Variants in MYO3B observed in about 807,000 individuals in gnomAD.
MYO3B encodes myosin IIIB, also known as myosin-IIIb.
In MYO3B, 156 loss-of-function variants were observed where a neutral mutation model predicts 174.6. That is an observed-to-expected ratio of 0.89 (90% CI 0.78 to 1.02). The LOEUF is 1.02. Among genes scored for constraint, MYO3B ranks in the 50% least tolerant of loss-of-function variants. The pLI is 0.00. For missense variants in MYO3B, 1,632 were observed against 1,639.4 expected (o/e 1.00, Z 0.08); for synonymous variants, 563 against 569.1 (o/e 0.99, Z 0.15).
At chr2:170,568,604 G>A (rs542356612) in intron 32 of MYO3B, among the ~76,000 whole-genome samples, 1 of 152,298 alleles carries the variant, frequency 6.6e-6, no homozygotes, top group Admixed American at 6.5e-5. Flanking sequence ...GTATTCTGCA[G>A]TTTGCCCCAC....
At chr2:170,651,947 C>T (rs1226289234) in intron 33 of MYO3B, among the ~76,000 whole-genome samples, 161 bp from the exon 34 acceptor site, 1 of 138,142 alleles carries the variant, frequency 7.2e-6, no homozygotes, top group African/African-American at 2.8e-5. Flanking sequence ...GAGCAAGATG[C>T]ATGCTTCATC....
chr2:170,603,419 T>C (rs1252495176), intron 32 of MYO3B, among the ~76,000 whole-genome samples: 3 of 152,218 alleles, frequency 2.0e-5, no homozygotes, highest in Admixed American at 2.0e-4. Context: ...GCCCATAAAA[T>C]ATTTATTTTA....
chr2:170,227,858 C>T (rs2092968988), intron 6 of MYO3B, among the ~76,000 whole-genome samples: 1 of 152,098 alleles, frequency 6.6e-6, no homozygotes, highest in Admixed American at 6.5e-5. Flanking sequence ...CAGTTCTATC[C>T]CCTACTAGCT....
chr2:170,499,927 C>T (rs1687141501), intron 27 of MYO3B, 119 bp downstream of exon 27: 2 of 748,488 alleles, frequency 2.7e-6, no homozygotes, highest in Non-Finnish European at 4.2e-6. Context: ...TCTCCCCTCC[C>T]TCCCTCCCTT....
At chr2:170,631,192 G>C (rs1696943451) in intron 32 of MYO3B, among the ~76,000 whole-genome samples, 1 of 152,152 alleles carries the variant, frequency 6.6e-6, no homozygotes. Flanking sequence ...AACCAATGCA[G>C]AGAAGTCCTT....
rs75472095 is a variant in MYO3B, at chr2:170,320,284, C to T, written c.750-15101C>T. ...CTGATCTTGAACTCTTGGGCTCAAGCGATCTTCCCACCCCAGTTCTTCCAA... is the reference window on the plus strand; with the variant it reads ...CTGATCTTGAACTCTTGGGCTCAAGTGATCTTCCCACCCCAGTTCTTCCAA... On this transcript the variant is annotated intron_variant, in intron 7 of 34. Transcript: ENST00000408978. Among the ~76,000 whole-genome samples the T allele has an allele frequency of 4.7e-3, 714 of 152,202 alleles. 7 individuals are homozygous for T. The highest frequency in any genetic ancestry group is 0.036 in the East Asian group (188 of 5,170).
chr2:170,274,301 G>T (rs2093447393), intron 7 of MYO3B, among the ~76,000 whole-genome samples: 1 of 152,086 alleles, frequency 6.6e-6, no homozygotes, highest in Non-Finnish European at 1.5e-5. Flanking sequence ...TTTACTTGAG[G>T]CCTGTCTGAA....
At chr2:170,406,585 C>G (rs920005958) in intron 21 of MYO3B, among the ~76,000 whole-genome samples, 3 of 152,064 alleles carry the variant, frequency 2.0e-5, no homozygotes, top group African/African-American at 7.2e-5. Context: ...CAGCATCTAC[C>G]CTGATTCCCC....
chr2:170,359,266 A>T, intron 8 of MYO3B, among the ~76,000 whole-genome samples: 1 of 152,156 alleles, frequency 6.6e-6, no homozygotes, highest in East Asian at 1.9e-4. Flanking sequence ...TTTGCCTAAG[A>T]TTCCATTGGT....
chr2:170,513,901 T>C (rs1427177905), intron 28 of MYO3B, among the ~76,000 whole-genome samples: 1 of 152,126 alleles, frequency 6.6e-6, no homozygotes, highest in Non-Finnish European at 1.5e-5. Context: ...AAATCACATC[T>C]GAACAAATAA....
At chr2:170,423,585 C>CTTTTTTTT (rs34209442) in intron 22 of MYO3B, among the ~76,000 whole-genome samples, 4 of 124,298 alleles carry the variant, frequency 3.2e-5, no homozygotes, top group Non-Finnish European at 6.4e-5. Context: ...TCAGCAAAAG[C>CTTTTTTTT]TTTTTTTTTT....
At chr2:170,572,501 G>A (rs1438005913) in intron 32 of MYO3B, among the ~76,000 whole-genome samples, 2 of 151,116 alleles carry the variant, frequency 1.3e-5, no homozygotes, top group Non-Finnish European at 2.9e-5. Flanking sequence ...TGAAGTCCCA[G>A]CTACTTGTGG....
chr2:170,504,800 C>T (rs915564281), intron 28 of MYO3B, among the ~76,000 whole-genome samples: 3 of 152,194 alleles, frequency 2.0e-5, no homozygotes, highest in Admixed American at 2.0e-4. Flanking sequence ...AATAATCTGC[C>T]TGGCTAATTA....
intron 32 of MYO3B, among the ~76,000 whole-genome samples, chr2:170,626,845 T>C (rs1291414428): frequency 3.3e-5 from 5 of 152,214 alleles, no homozygotes; most frequent in Non-Finnish European, 7.3e-5. Context: ...GGGTTGAAAA[T>C]TCATTTCTTT....
chr2:170,459,939 GC>G (rs1044263408), intron 23 of MYO3B, among the ~76,000 whole-genome samples: 1 of 152,084 alleles, frequency 6.6e-6, no homozygotes, highest in African/African-American at 2.4e-5. Context: ...GACTGAGCCT[GC>G]CCCCACCCGG....
At chr2:170,598,340 C>T (rs56727970) in intron 32 of MYO3B, among the ~76,000 whole-genome samples, 10,541 of 152,234 alleles carry the variant, frequency 0.069, 1,114 homozygotes, top group African/African-American at 0.23. Flanking sequence ...GCCTCACGAA[C>T]GAATTCCCCT....
intron 7 of MYO3B, among the ~76,000 whole-genome samples, chr2:170,304,767 CT>C (rs1338159026): frequency 6.6e-6 from 1 of 151,856 alleles, no homozygotes; most frequent in African/African-American, 2.4e-5. Context: ...GCATCCGGCC[CT>C]TTTCATCCAT....
chr2:170,480,937 A>G (rs1575049597), intron 25 of MYO3B, among the ~76,000 whole-genome samples: 2 of 152,226 alleles, frequency 1.3e-5, no homozygotes, highest in East Asian at 3.8e-4. Context: ...ACTGAATATC[A>G]TCAGTTAACA....
chr2:170,340,944 C>A (rs760588129), intron 8 of MYO3B, among the ~76,000 whole-genome samples: 2 of 152,160 alleles, frequency 1.3e-5, no homozygotes, highest in African/African-American at 2.4e-5. Context: ...TCTCATTTCT[C>A]GGAGTGAGCA....
Sources: allele counts gnomAD v4.1 joint callset (sites outside exome capture counted in the v4.1 genomes callset), GRCh38; gene constraint gnomAD v4.1.1; transcripts MANE v1.5; gene names NCBI Gene and HGNC (gene_info 2026-07-23, HGNC 2026-07-21).